The following LRP5 variants were observed in gnomAD, a reference collection of about 807,000 sequenced individuals.
The protein encoded by LRP5 is LDL receptor related protein 5.
In LRP5, 62 loss-of-function variants were observed where a neutral mutation model predicts 154.1. That is an observed-to-expected ratio of 0.40 (90% CI 0.33 to 0.50). The LOEUF (loss-of-function observed/expected upper bound fraction) is 0.50, where lower values mean the gene tolerates loss of function less well. Ranked by LOEUF, LRP5 falls within the 20% of genes least tolerant of loss-of-function variation. The probability of loss-of-function intolerance (pLI) is 0.55; values close to 1 mark genes in which losing one functional copy is unlikely to be tolerated. For synonymous variants in LRP5, 966 were observed against 1,011.5 expected, an observed-to-expected ratio of 0.96 and a Z score of 0.85; for missense variants, 1,915 against 2,336.7, an observed-to-expected ratio of 0.82 and a Z score of 3.72.
At chr11:68,340,887 A>G (rs957873127) in intron 1 of LRP5, among the ~76,000 whole-genome samples, 1 of 152,118 alleles carries the variant, frequency 6.6e-6, no homozygotes, top group Non-Finnish European at 1.5e-5. Context: ...GCTTTCTCAT[A>G]ACTGCCATTC....
intron 1 of LRP5, among the ~76,000 whole-genome samples, chr11:68,323,717 G>T (rs1012732051): frequency 2.0e-5 from 3 of 152,230 alleles, no homozygotes; most frequent in Non-Finnish European, 4.4e-5. Flanking sequence ...ACCGCGCCTG[G>T]CTACTTTGGT....
chr11:68,439,099 A>G (rs2098676681), intron 20 of LRP5, among the ~76,000 whole-genome samples: 1 of 152,200 alleles, frequency 6.6e-6, no homozygotes, highest in African/African-American at 2.4e-5. Context: ...AGCAGTTACA[A>G]TTCCTACGTG....
At chr11:68,421,796 GGT>G (rs368616925) in intron 13 of LRP5, among the ~76,000 whole-genome samples, 8 of 109,206 alleles carry the variant, frequency 7.3e-5, no homozygotes, top group South Asian at 2.5e-4. Flanking sequence ...GTGTGTGTGG[GGT>G]GTGTGTGTGT....
intron 5 of LRP5, among the ~76,000 whole-genome samples, chr11:68,382,938 C>T (rs1242288090): frequency 6.6e-6 from 1 of 151,762 alleles, no homozygotes; most frequent in Non-Finnish European, 1.5e-5. Context: ...AGTGCAGTGG[C>T]GCGATCTCAG....
chr11:68,439,562 A>G (rs1454949921), intron 20 of LRP5, among the ~76,000 whole-genome samples: 1 of 152,088 alleles, frequency 6.6e-6, no homozygotes, highest in Non-Finnish European at 1.5e-5. Flanking sequence ...AGGAGGTACC[A>G]TGTGTCTCCC....
chr11:68,339,055 G>A (rs2098607355), intron 1 of LRP5, among the ~76,000 whole-genome samples: 1 of 148,984 alleles, frequency 6.7e-6, no homozygotes, highest in Non-Finnish European at 1.5e-5. Context: ...TGTATTTTTA[G>A]TAGAGATGGG....
In LRP5 at chr11:68,418,557, G is replaced by A. The variant is rs115973643; in HGVS notation, c.3027+2030G>A. Among the ~76,000 whole-genome samples, 1,089 of 152,280 alleles carry A rather than the reference G, an allele frequency of 7.2e-3. 9 individuals carry two copies. Among genetic ancestry groups the A allele is most frequent in the African/African-American group, 0.025 (1,029 of 41,552 alleles). The stretch of plus-strand genomic sequence containing the variant: ...CACATGGGTCGCCATGTCCGCCGTC[G>A]GTTTCGCTGTTGTGCTCCCCATCTG... On this transcript the variant is annotated intron_variant, in intron 13 of 22. Coordinates refer to ENST00000294304, the MANE Select transcript of LRP5 (RefSeq NM_002335.4).
intron 13 of LRP5, among the ~76,000 whole-genome samples, chr11:68,421,970 C>T (rs1181950062): frequency 6.6e-6 from 1 of 152,084 alleles, no homozygotes; most frequent in Non-Finnish European, 1.5e-5. Flanking sequence ...CTCTGTCACC[C>T]AGGCTGGGGT....
upstream of LRP5, among the ~76,000 whole-genome samples, chr11:68,308,394 A>G (rs776019582): frequency 2.6e-5 from 4 of 152,186 alleles, no homozygotes; most frequent in Non-Finnish European, 4.4e-5. Flanking sequence ...AAGCAATGAG[A>G]TTGGACAGGT....
chr11:68,432,479 C>T (rs1330021337), intron 17 of LRP5, among the ~76,000 whole-genome samples: 1 of 152,230 alleles, frequency 6.6e-6, no homozygotes, highest in Admixed American at 6.5e-5. Flanking sequence ...TGATCAGGCC[C>T]CCTCCCCTAT....
intron 3 of LRP5, among the ~76,000 whole-genome samples, chr11:68,363,429 GGTGGATCACCT>G (rs1282248428): frequency 6.6e-6 from 1 of 152,156 alleles, no homozygotes; most frequent in Admixed American, 6.5e-5. Flanking sequence ...GGCTGAGGTG[GGTGGATCACCT>G]GAGGTCAGGA....
chr11:68,423,507 CTG>C lies in LRP5; in HGVS notation c.3047_3048del (p.Leu1016GlnfsTer121). ...CTTACAGCCCTTTGTTTTGACCTCT[CTG>C]AGCCAAGGCCAAAACCCAGACAGGC... Reference protein sequence around the residue: ...DGTQPFVLTSLSQGQNPDRQP... With the variant: ...DGTQPFVLTSXSQGQNPDRQP... On this transcript the variant is annotated frameshift_variant, in exon 14 of 23. Coordinates refer to ENST00000294304, the MANE Select transcript of LRP5 (RefSeq NM_002335.4). LOFTEE classifies it high-confidence loss of function. The surrounding 1 kb of genome is among the most constrained non-coding windows in gnomAD (Gnocchi z 4.7). The C allele has an allele frequency of 6.2e-7, 1 of 1,614,190 alleles. No homozygotes were observed. Among genetic ancestry groups the C allele is most frequent in the Non-Finnish European group, 8.5e-7 (1 of 1,180,014 alleles).
rs2098620393 is a variant in LRP5, at chr11:68,353,403, G to C, written c.489-4247G>C. 6.6e-6 allele frequency among the ~76,000 whole-genome samples: 1 copy of C among 152,192 alleles called. No individual in the cohort carries two copies. Among genetic ancestry groups the C allele is most frequent in the Non-Finnish European group, 1.5e-5 (1 of 68,028 alleles). ...GCCAGCCATGGTCCTACCCTGAGGT[G>C]CTGACTCTGTCCCTGTAGGCTCCAT... On this transcript the variant is annotated intron_variant, in intron 2 of 22. Transcript: ENST00000294304. The surrounding 1 kb of genome is among the most constrained non-coding windows in gnomAD (Gnocchi z 4.5).
intron 21 of LRP5, 179 bp downstream of exon 21, chr11:68,440,095 G>A: frequency 3.2e-6 from 2 of 624,818 alleles, no homozygotes; most frequent in Admixed American, 3.0e-5. Flanking sequence ...ATTGTTGATT[G>A]TGGATAATCT....
chr11:68,364,276 C>CTG (rs1321651507), intron 4 of LRP5, among the ~76,000 whole-genome samples: 19 of 149,296 alleles, frequency 1.3e-4, no homozygotes, highest in African/African-American at 2.2e-4. Context: ...AAGAAGTTGT[C>CTG]TGTGTGTGTG....
At chr11:68,426,222 G>C (rs1554974814) in intron 16 of LRP5, 35 bp downstream of exon 16, 3 of 1,589,970 alleles carry the variant, frequency 1.9e-6, no homozygotes, top group Admixed American at 1.7e-5. Context: ...GGGCAGGGTG[G>C]CCTCTAAACC....
At chr11:68,409,095 T>TACAC (rs201493195) in intron 9 of LRP5, among the ~76,000 whole-genome samples, 5 of 27,744 alleles carry the variant, frequency 1.8e-4, no homozygotes, top group Non-Finnish European at 4.2e-4. Flanking sequence ...TATATATATA[T>TACAC]ACACACACAT....
rs368703797 is a variant in LRP5, at chr11:68,413,627, G to A, written c.2504-62G>A. 4.1e-5 allele frequency: 61 copies of A among 1,473,662 alleles called. No individual in the cohort carries two copies. Among genetic ancestry groups the A allele is most frequent in the South Asian group, 2.6e-4 (23 of 88,232 alleles). 91.3% of individuals were successfully genotyped at this position (1,473,662 alleles called of 1,614,324 possible). A position where few individuals can be genotyped will look rare whatever the true frequency, so the allele number is the denominator to read the frequency against. ...TGAACCCTGGCTCACCCCGCAGGGC[G>A]CCGTGTGCTCTGTGGCCTGGCTGTG... On this transcript the variant is annotated intron_variant, in intron 11 of 22. Coordinates refer to ENST00000294304, the MANE Select transcript of LRP5 (RefSeq NM_002335.4). This position sits in a 1 kb window ranked among gnomAD's most constrained non-coding sequence, Gnocchi z 5.1.
intron 1 of LRP5, among the ~76,000 whole-genome samples, chr11:68,323,682 A>C (rs2098598040): frequency 6.6e-6 from 1 of 152,136 alleles, no homozygotes. Context: ...AGCTTCCCAA[A>C]GTACTGGGAT....
Sources: allele counts gnomAD v4.1 joint callset (sites outside exome capture counted in the v4.1 genomes callset), GRCh38; gene constraint gnomAD v4.1.1; non-coding constraint Gnocchi (gnomAD v3.1); transcripts MANE v1.5; gene names NCBI Gene and HGNC (gene_info 2026-07-23, HGNC 2026-07-21).